DLG2: variants seen among roughly 807,000 people sequenced by gnomAD.
The protein encoded by DLG2 is discs large MAGUK scaffold protein 2.
Under a neutral mutation model 132.5 loss-of-function variants are expected in DLG2, and 45 were observed. The observed-to-expected ratio is 0.34, with a 90% confidence interval of 0.27 to 0.44. DLG2 has a LOEUF of 0.44. DLG2 is among the 20% of genes least tolerant of loss of function. The pLI, the probability that DLG2 is intolerant of heterozygous loss-of-function variation, is 1.00. For missense variants in DLG2, 1,045 were observed against 1,196.9 expected (o/e 0.87, Z 1.87); for synonymous variants, 424 against 419.6 (o/e 1.01, Z -0.13).
chr11:85,194,607 A>AC (rs1312832702), intron 4 of DLG2, among the ~76,000 whole-genome samples: 3 of 138,262 alleles, frequency 2.2e-5, no homozygotes, highest in Non-Finnish European at 3.1e-5. Context: ...CCTCACCCCC[A>AC]CCCCCGCCAA....
intron 7 of DLG2, among the ~76,000 whole-genome samples, chr11:84,287,072 G>T (rs958959727): frequency 6.6e-6 from 1 of 152,190 alleles, no homozygotes; most frequent in Admixed American, 6.6e-5. Flanking sequence ...GAGATTAAAT[G>T]AGTTGATTCA....
intron 26 of DLG2, among the ~76,000 whole-genome samples, chr11:83,465,130 T>G (rs1001623965): frequency 6.6e-6 from 1 of 152,160 alleles, no homozygotes; most frequent in Non-Finnish European, 1.5e-5. Flanking sequence ...TATATTATAA[T>G]TTAATACCTA....
At chr11:84,302,019 TA>T (rs1567223279) in intron 7 of DLG2, among the ~76,000 whole-genome samples, 1 of 152,094 alleles carries the variant, frequency 6.6e-6, no homozygotes, top group Non-Finnish European at 1.5e-5. Flanking sequence ...TATGCAGCCA[TA>T]AAAAAGGATG....
intron 10 of DLG2, among the ~76,000 whole-genome samples, chr11:84,080,919 G>A (rs1404908360): frequency 6.6e-6 from 1 of 151,102 alleles, no homozygotes; most frequent in South Asian, 2.1e-4. Flanking sequence ...TTGAACCCAC[G>A]AGGCAGAGGT....
chr11:84,642,654 T>G (rs2099669103), intron 6 of DLG2, among the ~76,000 whole-genome samples: 1 of 152,174 alleles, frequency 6.6e-6, no homozygotes, highest in Non-Finnish European at 1.5e-5. Flanking sequence ...AGAAGACATG[T>G]ACCTGCCTGC....
chr11:84,545,541 G>T, intron 6 of DLG2: 1 of 389,756 alleles, frequency 2.6e-6, no homozygotes, highest in South Asian at 2.2e-5. Flanking sequence ...CTCTTGCTTT[G>T]ACAGGGATGA....
At chr11:84,544,289 C>T (rs530673206) in intron 6 of DLG2, among the ~76,000 whole-genome samples, 8 of 152,148 alleles carry the variant, frequency 5.3e-5, no homozygotes, top group Non-Finnish European at 1.2e-4. Context: ...GAACCACAGA[C>T]CTATGAACTG....
intron 4 of DLG2, among the ~76,000 whole-genome samples, chr11:85,168,301 A>G (rs559092792): frequency 2.0e-5 from 3 of 152,300 alleles, no homozygotes; most frequent in African/African-American, 7.2e-5. Context: ...AAACTTCAAC[A>G]GAGGTTCAGT....
chr11:84,586,901 C>A (rs2099531255), intron 6 of DLG2, among the ~76,000 whole-genome samples: 1 of 152,190 alleles, frequency 6.6e-6, no homozygotes, highest in South Asian at 2.1e-4. Context: ...AATCTGATTA[C>A]TTCTGTGATA....
intron 6 of DLG2, among the ~76,000 whole-genome samples, chr11:84,842,681 G>C (rs75153349): frequency 0.066 from 9,989 of 151,858 alleles, 655 homozygotes; most frequent in African/African-American, 0.16. Context: ...CGTAGTAGTA[G>C]GAGGATCTAA....
chr11:83,561,278 T>G (rs2096605418), intron 19 of DLG2, among the ~76,000 whole-genome samples: 1 of 152,188 alleles, frequency 6.6e-6, no homozygotes, highest in African/African-American at 2.4e-5. Flanking sequence ...ACTCTGCATC[T>G]GACACCATAT....
chr11:84,170,572 T>C (rs1433903693), intron 8 of DLG2, among the ~76,000 whole-genome samples: 1 of 152,078 alleles, frequency 6.6e-6, no homozygotes, highest in African/African-American at 2.4e-5. Context: ...TCAGAAAACT[T>C]TTCATAGAGG....
At chr11:83,596,929 T>C (rs1385036539) in intron 19 of DLG2, among the ~76,000 whole-genome samples, 1 of 152,190 alleles carries the variant, frequency 6.6e-6, no homozygotes, top group East Asian at 1.9e-4. Context: ...TCAGTTCTCA[T>C]AGCTTTTAGT....
chr11:85,453,544 A>T (rs987427090), intron 3 of DLG2: 4 of 155,356 alleles, frequency 2.6e-5, no homozygotes, highest in African/African-American at 9.7e-5. Flanking sequence ...TCTCATAGAA[A>T]ATACACCCCA....
chr11:84,775,119 G>C (rs896546250), intron 6 of DLG2, among the ~76,000 whole-genome samples: 3 of 151,968 alleles, frequency 2.0e-5, no homozygotes, highest in African/African-American at 7.3e-5. Flanking sequence ...AATGAGAAAA[G>C]GACATGAATA....
chr11:85,259,984 T>C (rs904839329), intron 4 of DLG2, among the ~76,000 whole-genome samples: 2 of 152,178 alleles, frequency 1.3e-5, no homozygotes, highest in Admixed American at 6.5e-5. Flanking sequence ...TTGGTGAGCA[T>C]TGGGCTAAGG....
intron 12 of DLG2, among the ~76,000 whole-genome samples, chr11:83,966,128 T>C (rs951406519): frequency 6.6e-6 from 1 of 152,004 alleles, no homozygotes; most frequent in Non-Finnish European, 1.5e-5. Flanking sequence ...TGATACACAT[T>C]TACCCATACA....
intron 3 of DLG2, among the ~76,000 whole-genome samples, chr11:85,350,187 T>C (rs1226444271): frequency 6.6e-6 from 1 of 152,268 alleles, no homozygotes; most frequent in Non-Finnish European, 1.5e-5. Flanking sequence ...TTTTCACATA[T>C]CTGTTGGCTA....
chr11:83,811,801 C>A (rs1594787841), intron 17 of DLG2, among the ~76,000 whole-genome samples: 1 of 151,978 alleles, frequency 6.6e-6, no homozygotes, highest in South Asian at 2.1e-4. Flanking sequence ...AGCTAATGAG[C>A]TGAAAGTTGT....
Sources: allele counts gnomAD v4.1 joint callset (sites outside exome capture counted in the v4.1 genomes callset), GRCh38; gene constraint gnomAD v4.1.1; transcripts MANE v1.5; gene names NCBI Gene and HGNC (gene_info 2026-07-23, HGNC 2026-07-21).